MRE11: variants seen among roughly 807,000 people sequenced by gnomAD.
The protein encoded by MRE11 is double-strand break repair protein MRE11.
MRE11 carries 62 observed loss-of-function variants against 91.7 expected under a neutral mutation model. That is an observed-to-expected ratio of 0.68 (90% CI 0.55 to 0.84). The LOEUF (loss-of-function observed/expected upper bound fraction) is 0.84, where lower values mean the gene tolerates loss of function less well. MRE11 is among the 40% of genes least tolerant of loss of function. The probability of loss-of-function intolerance (pLI) is 0.00; values close to 1 mark genes in which losing one functional copy is unlikely to be tolerated. For synonymous variants in MRE11, 273 were observed against 271.4 expected, an observed-to-expected ratio of 1.01 and a Z score of -0.06; for missense variants, 796 against 852.9, an observed-to-expected ratio of 0.93 and a Z score of 0.83.
intron 13 of MRE11, among the ~76,000 whole-genome samples, chr11:94,457,230 A>G (rs1397639948): frequency 1.3e-5 from 2 of 152,236 alleles, no homozygotes; most frequent in Non-Finnish European, 2.9e-5. Flanking sequence ...GATGTAAGAT[A>G]GAAAACTGAC....
chr11:94,434,029 A>C (rs1484418640), intron 18 of MRE11, among the ~76,000 whole-genome samples: 1 of 152,068 alleles, frequency 6.6e-6, no homozygotes, highest in African/African-American at 2.4e-5. Flanking sequence ...CTCAAATGTC[A>C]CCTATCTTCT....
rs115465074 is a variant in MRE11 at position 94,482,795 on chromosome 11, G to A, written c.315-3034C>T. ...CTAAAAACGCATAAAAAAATTAGCTGGGCATGGTGGTGCACACTTGTAGTC... is the reference window on the plus strand; with the variant it reads ...CTAAAAACGCATAAAAAAATTAGCTAGGCATGGTGGTGCACACTTGTAGTC... On this transcript the variant is annotated intron_variant, in intron 4 of 19. Transcript: ENST00000323929. Among the ~76,000 whole-genome samples the A allele has an allele frequency of 7.5e-3, 1,144 of 152,198 alleles. 12 individuals carry two copies. The highest frequency in any genetic ancestry group is 0.025 in the African/African-American group (1,046 of 41,530).
At position 94,417,672 on chromosome 11, in the gene MRE11, C is replaced by A. The variant is rs144018596; in HGVS notation, c.*2453G>T. ...AATATAATGGGCATCCAGGACACTG[C>A]GCTATTTCTTGACCTGTAGAGGGAT... On this transcript the variant is annotated 3_prime_UTR_variant, in exon 20 of 20. Coordinates refer to ENST00000323929, the MANE Select transcript of MRE11 (RefSeq NM_005591.4). 3.6e-4 allele frequency: 83 copies of A among 232,932 alleles called. No individual in the cohort carries two copies. The East Asian group carries it at 4.4e-3, about 12-fold the overall frequency. 14.4% of individuals were successfully genotyped at this position (232,932 alleles called of 1,614,324 possible).
chr11:94,456,180 C>T lies in MRE11; in HGVS notation c.1563+96G>A. On this transcript the variant is annotated intron_variant, in intron 14 of 19. Coordinates refer to ENST00000323929, the MANE Select transcript of MRE11 (RefSeq NM_005591.4). ...GCCAACCCCAGCTCACTCCTATCCC[C>T]TAGACCTATGGACTGACTATTCTAA... The T allele has an allele frequency of 2.5e-6, 3 of 1,181,460 alleles. No individual in the cohort carries two copies. The South Asian group carries it at 3.8e-5, about 15-fold the overall frequency. The allele number at this position is 1,181,460 out of a possible 1,614,324, so 73.2% of individuals were successfully genotyped here.
the MRE11 span, among the ~76,000 whole-genome samples, chr11:94,505,448 A>G: frequency 1.3e-5 from 2 of 152,312 alleles, no homozygotes; most frequent in Non-Finnish European, 2.9e-5. Context: ...AAAATTTAAA[A>G]ATATATAAAT....
At chr11:94,447,566 C>T (rs569289239) in intron 14 of MRE11, 128 bp from the exon 15 acceptor site, 141 of 937,720 alleles carry the variant, frequency 1.5e-4, no homozygotes, top group Non-Finnish European at 2.2e-4. Context: ...CAGTGGCTCA[C>T]GCCTGTAATC....
At chr11:94,436,987 A>T (rs1265827807) in intron 17 of MRE11, among the ~76,000 whole-genome samples, 190 bp downstream of exon 17, 2 of 152,256 alleles carry the variant, frequency 1.3e-5, no homozygotes, top group East Asian at 3.9e-4. Flanking sequence ...ACCATTATTT[A>T]AAAAAAGAGA....
At position 94,418,837 on chromosome 11, in the gene MRE11, T is replaced by C. The variant is rs1308545271; in HGVS notation, c.*1288A>G. 1 of 231,264 alleles carries C rather than the reference T, an allele frequency of 4.3e-6. No homozygotes were observed. The highest frequency in any genetic ancestry group is 2.2e-5 in the African/African-American group (1 of 45,250). The allele number at this position is 231,264 out of a possible 1,614,324, so 14.3% of individuals were successfully genotyped here. On this transcript the variant is annotated 3_prime_UTR_variant, in exon 20 of 20. Coordinates refer to ENST00000323929, the MANE Select transcript of MRE11 (RefSeq NM_005591.4). ...TCAATAGAATGTTATATTGCAAGTT[T>C]TGACTTAGGCCTCTTCAAAAGTGCT...
At chr11:94,451,943 T>C (rs1946117480) in intron 14 of MRE11, among the ~76,000 whole-genome samples, 1 of 152,110 alleles carries the variant, frequency 6.6e-6, no homozygotes, top group Admixed American at 6.5e-5. Flanking sequence ...CGGTTGCTCA[T>C]GCCTGTCATC....
rs1554996393 is a variant in MRE11, at chr11:94,419,465, G to GGAGAGAGGGAGA, written c.*659_*660insTCTCCCTCTCTC. ...GAAGAGTGGGGAACGGGGGGGAGAG[G>GGAGAGAGGGAGA]GAGAGAGAGAGAGAGAGAGAGAGAG... On this transcript the variant is annotated 3_prime_UTR_variant, in exon 20 of 20. Transcript: ENST00000323929. 4.1e-5 allele frequency: 8 copies of GGAGAGAGGGAGA among 196,690 alleles called. No individual in the cohort carries two copies. The Admixed American group carries it at 4.6e-4, about 11-fold the overall frequency. 12.2% of individuals were successfully genotyped at this position (196,690 alleles called of 1,614,324 possible). A position where few individuals can be genotyped will look rare whatever the true frequency, so the allele number is the denominator to read the frequency against.
intron 14 of MRE11, among the ~76,000 whole-genome samples, chr11:94,450,339 G>C (rs548978624): frequency 1.4e-3 from 214 of 152,226 alleles, no homozygotes; most frequent in African/African-American, 4.9e-3. Flanking sequence ...AAAGGAACCA[G>C]CTGTATGCTT....
At chr11:94,436,872 G>C (rs1328740357) in intron 17 of MRE11, among the ~76,000 whole-genome samples, 1 of 152,126 alleles carries the variant, frequency 6.6e-6, no homozygotes, top group Non-Finnish European at 1.5e-5. Context: ...TATAACCATT[G>C]AACTCACCTT....
chr11:94,467,930 A>T (rs776125166), intron 9 of MRE11, 37 bp from the exon 10 acceptor site: 1 of 1,557,188 alleles, frequency 6.4e-7, no homozygotes, highest in Non-Finnish European at 8.9e-7. Context: ...ACAACGTAGT[A>T]AACTGAGTTT....
chr11:94,490,964 C>T lies in MRE11; in HGVS notation c.22G>A (p.Asp8Asn), dbSNP rs1244361719. 7.0e-7 allele frequency: 1 copy of T among 1,430,868 alleles called. No homozygotes were observed. The highest frequency in any genetic ancestry group is 1.2e-5 in the South Asian group (1 of 86,630). 88.6% of individuals were successfully genotyped at this position (1,430,868 alleles called of 1,614,324 possible). Residue 8 changes from aspartate (D) to asparagine (N), a missense_variant and splice_region_variant, in exon 3 of 20, where the codon GAT (aspartate) becomes AAT (asparagine). By Grantham distance (23) the Asp-to-Asn change is conservative. Coordinates refer to ENST00000323929, the MANE Select transcript of MRE11 (RefSeq NM_005591.4). MSTADAL[D>N]DENTFKILVA... ...AATATTTTAAATGTGTTTTCATCATCACTATATTAAGAAAGAAGAAACATT... is the reference window on the plus strand; with the variant it reads ...AATATTTTAAATGTGTTTTCATCATTACTATATTAAGAAAGAAGAAACATT...
chr11:94,454,676 C>T (rs2134961073), intron 14 of MRE11, among the ~76,000 whole-genome samples: 1 of 152,228 alleles, frequency 6.6e-6, no homozygotes, highest in South Asian at 2.1e-4. Context: ...TTCTGTAAAA[C>T]TCCCATATGA....
intron 3 of MRE11, among the ~76,000 whole-genome samples, chr11:94,487,223 C>T (rs1159838102): frequency 1.3e-5 from 2 of 152,142 alleles, no homozygotes; most frequent in Non-Finnish European, 2.9e-5. Flanking sequence ...CTGTACTATA[C>T]ACTTAAAAAT....
intron 6 of MRE11, among the ~76,000 whole-genome samples, chr11:94,477,983 A>G (rs1219096437): frequency 1.3e-5 from 2 of 152,214 alleles, no homozygotes; most frequent in Non-Finnish European, 1.5e-5. Context: ...GAGACTGATA[A>G]TAATGAGGAA....
At chr11:94,441,454 G>T (rs1945776022) in intron 16 of MRE11, among the ~76,000 whole-genome samples, 1 of 152,192 alleles carries the variant, frequency 6.6e-6, no homozygotes, top group South Asian at 2.1e-4. Flanking sequence ...TATTCCTGTT[G>T]ATAATTTTCT....
At chr11:94,447,610 C>T (rs1312383568) in intron 14 of MRE11, among the ~76,000 whole-genome samples, 172 bp from the exon 15 acceptor site, 1 of 146,118 alleles carries the variant, frequency 6.8e-6, no homozygotes, top group Non-Finnish European at 1.5e-5. Flanking sequence ...GGGAGGATCA[C>T]TTGCACCCAA....
Sources: gnomAD v4.1 joint callset for allele counts (sites outside exome capture counted in the v4.1 genomes callset) on GRCh38, gnomAD v4.1.1 for gene constraint, MANE v1.5 for transcripts, NCBI Gene and HGNC (gene_info 2026-07-23, HGNC 2026-07-21) for gene names.